Variants in PPARG observed in about 807,000 individuals in gnomAD.
PPARG encodes the protein peroxisome proliferator-activated receptor gamma.
PPARG carries 17 observed loss-of-function variants against 39.2 expected under a neutral mutation model. That is an observed-to-expected ratio of 0.43 (90% CI 0.30 to 0.65). PPARG has a LOEUF of 0.65. Among genes scored for constraint, PPARG ranks in the 30% least tolerant of loss-of-function variants. PPARG has a pLI of 0.13. For synonymous variants in PPARG, 223 were observed against 215.7 expected, an observed-to-expected ratio of 1.03 and a Z score of -0.30; for missense variants, 406 against 585.9, an observed-to-expected ratio of 0.69 and a Z score of 3.17.
chr3:12,377,365 G>A (rs754732047), intron 2 of PPARG, among the ~76,000 whole-genome samples: 12 of 152,112 alleles, frequency 7.9e-5, no homozygotes, highest in Non-Finnish European at 1.5e-4. Flanking sequence ...TGACACTCTC[G>A]GGTGTGATCA....
intron 2 of PPARG, among the ~76,000 whole-genome samples, chr3:12,330,947 A>G (rs1438654596): frequency 6.6e-6 from 1 of 152,202 alleles, no homozygotes; most frequent in Non-Finnish European, 1.5e-5. Flanking sequence ...TATATCAATA[A>G]TCTAAAAGGT....
At chr3:12,398,577 T>A (rs909072679) in intron 5 of PPARG, among the ~76,000 whole-genome samples, 1 of 152,100 alleles carries the variant, frequency 6.6e-6, no homozygotes, top group African/African-American at 2.4e-5. Context: ...CCATTGTAGG[T>A]TAGAGAGGTC....
At chr3:12,360,987 T>A (rs2048829214) in intron 2 of PPARG, among the ~76,000 whole-genome samples, 1 of 152,084 alleles carries the variant, frequency 6.6e-6, no homozygotes, top group Admixed American at 6.6e-5. Context: ...TTGCCAACAG[T>A]TCTGAACAGG....
At chr3:12,342,600 A>G (rs1367122391) in intron 2 of PPARG, among the ~76,000 whole-genome samples, 2 of 152,254 alleles carry the variant, frequency 1.3e-5, no homozygotes, top group East Asian at 1.9e-4. Flanking sequence ...ATGTATGTGT[A>G]TATGTGTATG....
chr3:12,396,971 T>C (rs2050285710), intron 5 of PPARG, among the ~76,000 whole-genome samples: 1 of 151,676 alleles, frequency 6.6e-6, no homozygotes, highest in African/African-American at 2.4e-5. Context: ...GCTGAAACTA[T>C]AGGCATGTGC....
chr3:12,424,633 C>T (rs2051374901), intron 7 of PPARG, among the ~76,000 whole-genome samples: 1 of 152,120 alleles, frequency 6.6e-6, no homozygotes, highest in Non-Finnish European at 1.5e-5. Flanking sequence ...GAATGAAAAC[C>T]CAGCACTGGT....
chr3:12,391,109 C>T (rs1350023104), intron 4 of PPARG, among the ~76,000 whole-genome samples: 2 of 152,084 alleles, frequency 1.3e-5, no homozygotes, highest in African/African-American at 4.8e-5. Flanking sequence ...AAAGGTGAGG[C>T]CCAGAAAGGA....
intron 2 of PPARG, among the ~76,000 whole-genome samples, chr3:12,366,291 A>G (rs1457639400): frequency 6.6e-6 from 1 of 151,576 alleles, no homozygotes; most frequent in African/African-American, 2.4e-5. Flanking sequence ...TTAACCTTGT[A>G]TCCTGCAACC....
intron 2 of PPARG, among the ~76,000 whole-genome samples, chr3:12,356,316 T>C (rs951989140): frequency 2.6e-5 from 4 of 152,226 alleles, no homozygotes; most frequent in Admixed American, 2.6e-4. Flanking sequence ...ATGTAACTGA[T>C]AGCAACTGCC....
rs374205829 is a variant in PPARG, at chr3:12,324,283, G to GA, written c.-9+11840dup. On this transcript the variant is annotated intron_variant, in intron 2 of 7. Transcript: ENST00000651735. ...AACAGAGCAAGACTCTGTCTCAAAA[G>GA]AAAAAAAAAAGAATAGACATTAAAA... is the stretch of plus-strand genomic sequence containing the variant. 1.0e-3 allele frequency among the ~76,000 whole-genome samples: 144 copies of GA among 143,688 alleles called. 1 individual carries two copies. The highest frequency in any genetic ancestry group is 3.3e-3 in the African/African-American group (130 of 39,158). The allele number at this position is 143,688 out of a possible 152,430, so 94.3% of individuals were successfully genotyped here.
chr3:12,407,961 A>G (rs2050732810), intron 6 of PPARG, among the ~76,000 whole-genome samples: 1 of 152,232 alleles, frequency 6.6e-6, no homozygotes, highest in Admixed American at 6.5e-5. Flanking sequence ...TATCCTCTTT[A>G]TTTTAGAGAT....
chr3:12,314,305 T>A (rs952428047), intron 2 of PPARG, among the ~76,000 whole-genome samples: 1 of 149,492 alleles, frequency 6.7e-6, no homozygotes, highest in African/African-American at 2.5e-5. Flanking sequence ...AATTAATTAA[T>A]TGAGTGAAAG....
chr3:12,298,224 G>A (rs1198701932), intron 1 of PPARG, among the ~76,000 whole-genome samples: 11 of 142,044 alleles, frequency 7.7e-5, no homozygotes, highest in Admixed American at 3.7e-4. Flanking sequence ...GCGTGAACCC[G>A]GGAGGCAGAG....
At chr3:12,346,947 C>T (rs2048344846) in intron 2 of PPARG, among the ~76,000 whole-genome samples, 1 of 152,022 alleles carries the variant, frequency 6.6e-6, no homozygotes. Context: ...CATTATTTTC[C>T]TTTAAATCAA....
chr3:12,422,338 T>C (rs1373592073), intron 7 of PPARG, among the ~76,000 whole-genome samples: 4 of 152,148 alleles, frequency 2.6e-5, no homozygotes, highest in Non-Finnish European at 5.9e-5. Flanking sequence ...TTACCTCCAT[T>C]TTATAGATGG....
intron 2 of PPARG, among the ~76,000 whole-genome samples, chr3:12,330,018 C>T (rs1259360476): frequency 6.6e-6 from 1 of 152,146 alleles, no homozygotes; most frequent in Admixed American, 6.5e-5. Context: ...ATATATACCA[C>T]ATTGTGTTTC....
At position 12,325,587 on chromosome 3, in the gene PPARG, C is replaced by G. The variant is rs550047294; in HGVS notation, c.-9+13134C>G. ...CTGCACTCCAGCCTGGGGGACAGAG[C>G]AAGACTCTGTCTCAAAAAAAAATAA... is the stretch of plus-strand genomic sequence containing the variant. On this transcript the variant is annotated intron_variant, in intron 2 of 7. Transcript: ENST00000651735. Among the ~76,000 whole-genome samples the G allele has an allele frequency of 4.6e-5, 7 of 151,458 alleles. No homozygotes were observed. In the South Asian group the frequency reaches 1.5e-3, roughly 32 times the overall value.
At chr3:12,291,100 C>T (rs1329811415) in intron 1 of PPARG, among the ~76,000 whole-genome samples, 1 of 152,124 alleles carries the variant, frequency 6.6e-6, no homozygotes. Context: ...TAGGATTCCA[C>T]TAAATAAATA....
chr3:12,396,671 T>C (rs772466307), intron 5 of PPARG, among the ~76,000 whole-genome samples: 3 of 150,218 alleles, frequency 2.0e-5, no homozygotes, highest in Non-Finnish European at 2.9e-5. Context: ...AGTGGGAAGA[T>C]CGCTTTAGCC....
Sources: allele counts gnomAD v4.1 joint callset (sites outside exome capture counted in the v4.1 genomes callset), GRCh38; gene constraint gnomAD v4.1.1; transcripts MANE v1.5; gene names NCBI Gene and HGNC (gene_info 2026-07-23, HGNC 2026-07-21).